SCRN1: variants seen among roughly 807,000 people sequenced by gnomAD.
SCRN1 encodes secernin-1.
SCRN1 carries 19 observed loss-of-function variants against 43.3 expected under a neutral mutation model. The observed-to-expected ratio is 0.44, with a 90% CI of 0.31 to 0.64. SCRN1 has a LOEUF of 0.64. Ranked by LOEUF, SCRN1 falls within the 30% of genes least tolerant of loss-of-function variation. SCRN1 has a pLI of 0.09. For missense variants in SCRN1, 447 were observed against 524.1 expected (o/e 0.85, Z 1.44); for synonymous variants, 183 against 188.9 (o/e 0.97, Z 0.26).
rs542719854 is a variant in SCRN1, at chr7:29,965,017, T to C, written c.159+3892A>G. ...AGTTGTAGCGAATGTACCACATTGA[T>C]GCCAGACGTTACTAGCAGGGTAAAC... On this transcript the variant is annotated intron_variant, in intron 2 of 7. Coordinates refer to ENST00000242059, the MANE Select transcript of SCRN1 (RefSeq NM_014766.5). The surrounding 1 kb of genome is among the most constrained non-coding windows in gnomAD (Gnocchi z 4.2). 1.7e-4 allele frequency among the ~76,000 whole-genome samples: 26 copies of C among 152,262 alleles called. No individual in the cohort carries two copies. The highest frequency in any genetic ancestry group is 2.6e-4 in the Admixed American group (4 of 15,284).
intron 7 of SCRN1, 95 bp downstream of exon 7, chr7:29,926,357 A>C: frequency 1.5e-6 from 2 of 1,319,936 alleles, no homozygotes; most frequent in Non-Finnish European, 2.1e-6. Context: ...GGGTGGGGGT[A>C]GGGTCTAGCT....
Position 29,943,989 on chromosome 7 carries a change from C to T in SCRN1, c.532G>A (p.Glu178Lys), listed in dbSNP as rs562103954. The T allele has an allele frequency of 6.9e-5, 111 of 1,614,072 alleles. No individual in the cohort carries two copies. The highest frequency in any genetic ancestry group is 1.6e-4 in the Middle Eastern group (1 of 6,082). The change falls in exon 4 of 8, where the codon GAG (glutamate) becomes AAG (lysine). Residue 178 changes from glutamate (E) to lysine (K), a missense_variant. Physicochemically the swap from Glu to Lys is moderately conservative, Grantham distance 56. Transcript: ENST00000242059. ...LETIGKYWAAEKVTEGVRCIC... is the reference protein window; with the variant it reads ...LETIGKYWAAKKVTEGVRCIC... The stretch of plus-strand genomic sequence containing the variant: ...CACACCCACTCACCTGTGACTTTCT[C>T]GGCAGCCCAGTACTTCCCTATGGTC...
intron 5 of SCRN1, among the ~76,000 whole-genome samples, chr7:29,938,376 A>C (rs1052126492): frequency 1.3e-5 from 2 of 152,196 alleles, no homozygotes; most frequent in African/African-American, 4.8e-5. Context: ...GTAGTTTCGC[A>C]CAGTGTAAGC....
At chr7:29,925,984 T>C (rs1460148462) in intron 7 of SCRN1, among the ~76,000 whole-genome samples, 1 of 152,140 alleles carries the variant, frequency 6.6e-6, no homozygotes, top group Non-Finnish European at 1.5e-5. Flanking sequence ...GTTCAGTGCA[T>C]TAAGCTCATT....
chr7:29,937,250 G>C (rs1252043436), intron 5 of SCRN1, among the ~76,000 whole-genome samples: 1 of 152,158 alleles, frequency 6.6e-6, no homozygotes, highest in African/African-American at 2.4e-5. Context: ...ATCAACAGGA[G>C]GTAAGCAGAA....
intron 1 of SCRN1, among the ~76,000 whole-genome samples, chr7:29,986,305 T>C (rs1341798024): frequency 6.6e-6 from 1 of 152,214 alleles, no homozygotes; most frequent in Non-Finnish European, 1.5e-5. Flanking sequence ...TTTTTAAAAG[T>C]AAAGAGAAAC....
intron 1 of SCRN1, among the ~76,000 whole-genome samples, 177 bp downstream of exon 1, chr7:29,989,465 G>A (rs1468823847): frequency 6.6e-6 from 1 of 151,968 alleles, no homozygotes; most frequent in African/African-American, 2.4e-5. Flanking sequence ...TCCTCTGACC[G>A]CCCCCAGGCT....
intron 2 of SCRN1, among the ~76,000 whole-genome samples, chr7:29,959,813 TG>T (rs1457959927): frequency 6.6e-6 from 1 of 151,860 alleles, no homozygotes; most frequent in Admixed American, 6.6e-5. Context: ...GGGGACATTA[TG>T]GAAGGAAGCC....
chr7:29,930,322 C>A (rs954117933), intron 6 of SCRN1, among the ~76,000 whole-genome samples: 1 of 152,062 alleles, frequency 6.6e-6, no homozygotes, highest in African/African-American at 2.4e-5. Context: ...GTCTATGTAC[C>A]CAGAAAAGGG....
intron 4 of SCRN1, among the ~76,000 whole-genome samples, chr7:29,941,188 T>C (rs890395462): frequency 6.6e-6 from 1 of 152,208 alleles, no homozygotes; most frequent in Admixed American, 6.5e-5. Flanking sequence ...CAAGCATTCA[T>C]TAGTTACATG....
chr7:29,970,019 GCACCAAGCCAC>G, intron 1 of SCRN1: 1 of 381,450 alleles, frequency 2.6e-6, no homozygotes. Context: ...CCACCACCCT[GCACCAAGCCAC>G]CACCATCTCC....
intron 2 of SCRN1, among the ~76,000 whole-genome samples, chr7:29,968,277 G>C (rs908163827): frequency 1.3e-5 from 2 of 152,150 alleles, no homozygotes; most frequent in African/African-American, 4.8e-5. Flanking sequence ...TCCATAGAAT[G>C]AAACACCATG....
chr7:29,936,750 G>A (rs1371367798), intron 5 of SCRN1, 29 bp from the exon 6 acceptor site: 4 of 1,507,548 alleles, frequency 2.7e-6, no homozygotes, highest in Non-Finnish European at 3.6e-6. Flanking sequence ...CAGACAAATG[G>A]AAAGAGTAGA....
At chr7:29,968,642 G>A (rs1042090088) in intron 2 of SCRN1, among the ~76,000 whole-genome samples, 3 of 152,204 alleles carry the variant, frequency 2.0e-5, no homozygotes, top group Non-Finnish European at 2.9e-5. Context: ...AGACTTCTAT[G>A]AATAAATCTT....
At chr7:29,956,238 G>C (rs1399009464) in intron 2 of SCRN1, among the ~76,000 whole-genome samples, 1 of 152,216 alleles carries the variant, frequency 6.6e-6, no homozygotes, top group Admixed American at 6.5e-5. Flanking sequence ...ACCAGGATGT[G>C]GGTAACCCTC....
intron 5 of SCRN1, among the ~76,000 whole-genome samples, chr7:29,938,463 C>A (rs1787416690): frequency 6.6e-6 from 1 of 152,264 alleles, no homozygotes; most frequent in Non-Finnish European, 1.5e-5. Flanking sequence ...GGCCCCAAAA[C>A]TGGCCATAAG....
At chr7:29,968,875 A>G in intron 2 of SCRN1, 34 bp downstream of exon 2, 3 of 1,612,590 alleles carry the variant, frequency 1.9e-6, no homozygotes, top group Non-Finnish European at 1.7e-6. Flanking sequence ...GAGAAAAGAG[A>G]GTGTGACTCG....
chr7:29,967,391 C>CT (rs372901964), intron 2 of SCRN1, among the ~76,000 whole-genome samples: 4,229 of 137,344 alleles, frequency 0.031, 102 homozygotes, highest in African/African-American at 0.066. Context: ...TTCATGTATA[C>CT]TTTTTTTTTT....
At chr7:29,944,914 A>G (rs887001522) in intron 3 of SCRN1, among the ~76,000 whole-genome samples, 7 of 152,066 alleles carry the variant, frequency 4.6e-5, no homozygotes, top group African/African-American at 1.7e-4. Context: ...AAAGGAAACC[A>G]AGGCCAAGTC....
Sources: gnomAD v4.1 joint callset for allele counts (sites outside exome capture counted in the v4.1 genomes callset) on GRCh38, gnomAD v4.1.1 for gene constraint, Gnocchi (gnomAD v3.1) non-coding constraint, MANE v1.5 for transcripts, NCBI Gene and HGNC (gene_info 2026-07-23, HGNC 2026-07-21) for gene names.